CDC27: variants seen among roughly 807,000 people sequenced by gnomAD.
CDC27 encodes the protein cell division cycle protein 27 homolog.
In CDC27, 27 loss-of-function variants were observed where a neutral mutation model predicts 109.7. The observed-to-expected ratio is 0.25, with a 90% CI of 0.18 to 0.34. CDC27 has a LOEUF of 0.34. CDC27 is among the 10% of genes least tolerant of loss of function. The pLI is 1.00. For synonymous variants in CDC27, 266 were observed against 333.9 expected, an observed-to-expected ratio of 0.80 and a Z score of 2.22; for missense variants, 579 against 960.2, an observed-to-expected ratio of 0.60 and a Z score of 5.25.
intron 2 of CDC27, among the ~76,000 whole-genome samples, chr17:47,179,800 G>A (rs190846076): frequency 3.0e-4 from 46 of 152,216 alleles, no homozygotes; most frequent in Admixed American, 2.6e-3. Context: ...TAAATAACGT[G>A]GATTAAACAG....
At chr17:47,144,808 T>C (rs539010062) in intron 9 of CDC27, among the ~76,000 whole-genome samples, 11 of 152,244 alleles carry the variant, frequency 7.2e-5, no homozygotes, top group African/African-American at 2.6e-4. Flanking sequence ...TATATTTTCA[T>C]CTTTTACGAT....
At chr17:47,126,284 T>A (rs1211522795) in intron 16 of CDC27, among the ~76,000 whole-genome samples, 1 of 152,204 alleles carries the variant, frequency 6.6e-6, no homozygotes, top group Admixed American at 6.5e-5. Context: ...CTTTTCCTTA[T>A]GCCCTTTTCA....
intron 15 of CDC27, 83 bp from the exon 16 acceptor site, chr17:47,129,604 T>C (rs1477997136): frequency 1.1e-5 from 10 of 893,058 alleles, no homozygotes; most frequent in Non-Finnish European, 1.7e-5. Flanking sequence ...AAAACCAACA[T>C]AATCAAATTA....
chr17:47,162,983 T>C (rs548451089), intron 4 of CDC27, among the ~76,000 whole-genome samples: 29 of 152,218 alleles, frequency 1.9e-4, no homozygotes, highest in African/African-American at 6.7e-4. Flanking sequence ...AATTATTCAA[T>C]AGAGAGATAA....
At chr17:47,189,067 C>G (rs930637994) in intron 1 of CDC27, 79 bp downstream of exon 1, 15 of 1,548,090 alleles carry the variant, frequency 9.7e-6, no homozygotes, top group Non-Finnish European at 1.2e-5. Context: ...TAGGCCGCAC[C>G]AGGCCGCGGA....
At chr17:47,185,430 G>A (rs958797506) in intron 1 of CDC27, among the ~76,000 whole-genome samples, 1 of 152,146 alleles carries the variant, frequency 6.6e-6, no homozygotes, top group Non-Finnish European at 1.5e-5. Context: ...TGATCCGCCT[G>A]CCTCAGCCCC....
rs561276703 is a variant in CDC27, at chr17:47,185,240, G to A, written c.28-3603C>T. Among the ~76,000 whole-genome samples, 28 of 151,974 alleles carry A rather than the reference G, an allele frequency of 1.8e-4. No homozygotes were observed. In the East Asian group the frequency reaches 3.5e-3, roughly 19 times the overall value. Reference sequence around the variant, plus strand: ...GTCACCCAGGCTGGAGTGCAGTGGCGCGATCTCGGCTCACTGCAAGCTCCA... The same window carrying A: ...GTCACCCAGGCTGGAGTGCAGTGGCACGATCTCGGCTCACTGCAAGCTCCA... On this transcript the variant is annotated intron_variant, in intron 1 of 18. Coordinates refer to ENST00000066544, the MANE Select transcript of CDC27 (RefSeq NM_001256.6).
At chr17:47,183,061 T>C (rs1416500136) in intron 1 of CDC27, among the ~76,000 whole-genome samples, 1 of 152,214 alleles carries the variant, frequency 6.6e-6, no homozygotes, top group Non-Finnish European at 1.5e-5. Flanking sequence ...GATATATATT[T>C]AGGAATAAAA....
chr17:47,189,080 G>T (rs1004019208), intron 1 of CDC27, 66 bp downstream of exon 1: 8 of 1,559,012 alleles, frequency 5.1e-6, no homozygotes, highest in Non-Finnish European at 5.3e-6. Flanking sequence ...GCCGCGGAGT[G>T]GCCCTACGCT....
At chr17:47,160,938 G>A (rs572332745) in intron 4 of CDC27, 3 of 152,274 alleles carry the variant, frequency 2.0e-5, no homozygotes, top group African/African-American at 4.8e-5. Flanking sequence ...CCACACTTGT[G>A]TAATTTAAGC....
intron 17 of CDC27, 135 bp from the exon 18 acceptor site, chr17:47,122,735 A>G (rs2062015475): frequency 5.4e-6 from 3 of 552,170 alleles, no homozygotes; most frequent in Non-Finnish European, 8.2e-6. Flanking sequence ...GTGCAATGGC[A>G]CGATCTTGGC....
chr17:47,137,043 T>G, intron 14 of CDC27, 109 bp downstream of exon 14: 1 of 551,514 alleles, frequency 1.8e-6, no homozygotes, highest in Non-Finnish European at 3.1e-6. Flanking sequence ...GTACCATCCC[T>G]AAGTATAAGT....
intron 1 of CDC27, 168 bp downstream of exon 1, chr17:47,188,978 A>C: frequency 6.8e-7 from 1 of 1,478,732 alleles, no homozygotes. Context: ...AACACGGCTT[A>C]GGCTGTGGGC....
chr17:47,135,786 A>C (rs1218181797), intron 14 of CDC27, among the ~76,000 whole-genome samples: 2 of 152,138 alleles, frequency 1.3e-5, no homozygotes, highest in Non-Finnish European at 2.9e-5. Flanking sequence ...CATTTAAAAA[A>C]AAAACAACAC....
Position 47,185,695 on chromosome 17 carries a change from C to T in CDC27, c.27+3451G>A, listed in dbSNP as rs1010522384. On this transcript the variant is annotated intron_variant, in intron 1 of 18. Coordinates refer to ENST00000066544, the MANE Select transcript of CDC27 (RefSeq NM_001256.6). ...GGGATTACAAGCGTGAGCCACTGTGCCCAGTCAGCTGCCCTTTTTTAAAAA... is the reference window on the plus strand; with the variant it reads ...GGGATTACAAGCGTGAGCCACTGTGTCCAGTCAGCTGCCCTTTTTTAAAAA... 4.6e-5 allele frequency among the ~76,000 whole-genome samples: 7 copies of T among 152,192 alleles called. No individual in the cohort carries two copies. The South Asian group carries it at 1.5e-3, about 32-fold the overall frequency.
intron 2 of CDC27, among the ~76,000 whole-genome samples, chr17:47,178,989 A>G (rs534535986): frequency 6.6e-6 from 1 of 152,194 alleles, no homozygotes; most frequent in African/African-American, 2.4e-5. Context: ...TTTAGTAGAG[A>G]TGGGGTTTCT....
At chr17:47,175,117 T>C (rs1257580336) in intron 2 of CDC27, among the ~76,000 whole-genome samples, 1 of 151,610 alleles carries the variant, frequency 6.6e-6, no homozygotes, top group Non-Finnish European at 1.5e-5. Context: ...GCAGCACTAC[T>C]GAAGTTCCTC....
intron 1 of CDC27, chr17:47,188,717 TAAAA>T (rs897753015): frequency 2.0e-6 from 2 of 1,001,854 alleles, no homozygotes; most frequent in Non-Finnish European, 1.2e-6. Flanking sequence ...CAAGACAAAA[TAAAA>T]AAAACCTCCG....
At chr17:47,148,115 T>C (rs1288051152) in intron 9 of CDC27, among the ~76,000 whole-genome samples, 1 of 150,090 alleles carries the variant, frequency 6.7e-6, no homozygotes, top group Non-Finnish European at 1.5e-5. Flanking sequence ...GGAGAATCGC[T>C]TGAACCCAGG....
Sources: allele counts gnomAD v4.1 joint callset (sites outside exome capture counted in the v4.1 genomes callset), GRCh38; gene constraint gnomAD v4.1.1; transcripts MANE v1.5; gene names NCBI Gene and HGNC (gene_info 2026-07-23, HGNC 2026-07-21).